The following FAAH2 variants were observed in gnomAD, a reference collection of about 807,000 sequenced individuals.
FAAH2 encodes fatty-acid amide hydrolase 2.
Under a neutral mutation model 36.9 loss-of-function variants are expected in FAAH2, and 60 were observed. That is an observed-to-expected ratio of 1.63 (90% CI 1.32 to 2.02). The LOEUF is 2.02. Ranked by LOEUF, FAAH2 falls within the 30% of genes most tolerant of loss-of-function variation. The pLI, the probability that FAAH2 is intolerant of heterozygous loss-of-function variation, is 0.00. For missense variants in FAAH2, 689 were observed against 397.5 expected, an observed-to-expected ratio of 1.73 and a Z score of -6.23; for synonymous variants, 214 against 143.8, an observed-to-expected ratio of 1.49 and a Z score of -3.49.
chrX:57,476,761 G>A (rs1440738205), intron 10 of FAAH2, among the ~76,000 whole-genome samples: 1 of 110,992 alleles, frequency 9.0e-6, no homozygotes, highest in East Asian at 2.8e-4. Flanking sequence ...AGAAGGAATG[G>A]TACCAGCTCC....
chrX:57,143,841 C>A, the FAAH2 span, among the ~76,000 whole-genome samples: 1 of 111,725 alleles, frequency 9.0e-6, no homozygotes, highest in East Asian at 2.8e-4. Context: ...GGTTTATATA[C>A]AAGTACAGTA....
chrX:57,277,546 C>T, the FAAH2 span, among the ~76,000 whole-genome samples: 1 of 111,805 alleles, frequency 8.9e-6, no homozygotes, highest in Non-Finnish European at 1.9e-5. Flanking sequence ...CACTCCTATT[C>T]AACATAGTGT....
the FAAH2 span, among the ~76,000 whole-genome samples, chrX:57,260,854 T>C: frequency 9.0e-6 from 1 of 111,259 alleles, no homozygotes. Flanking sequence ...TGATAATATA[T>C]CACACTCACA....
intron 2 of FAAH2, among the ~76,000 whole-genome samples, chrX:57,309,284 T>A (rs1031368411): frequency 1.8e-5 from 2 of 111,739 alleles, no homozygotes; most frequent in East Asian, 5.6e-4. Flanking sequence ...AAATTACCTA[T>A]AATCATAGCA....
intron 7 of FAAH2, among the ~76,000 whole-genome samples, chrX:57,426,114 A>C (rs2056155993): frequency 8.9e-6 from 1 of 111,821 alleles, no homozygotes; most frequent in Admixed American, 9.5e-5. Flanking sequence ...AGATAGAAAT[A>C]ATCCCTTCCA....
chrX:57,208,607 C>A, the FAAH2 span, among the ~76,000 whole-genome samples: 209 of 111,935 alleles, frequency 1.9e-3, 2 homozygotes, highest in African/African-American at 6.5e-3. Context: ...AAGACATACA[C>A]ACAGAAATAT....
chrX:57,381,844 C>T (rs2054859355), intron 7 of FAAH2, among the ~76,000 whole-genome samples: 1 of 111,410 alleles, frequency 9.0e-6, no homozygotes, highest in South Asian at 3.8e-4. Context: ...ATCTACAGAA[C>T]TCTCCACCCC....
the FAAH2 span, chrX:57,136,984 T>G: frequency 1.9e-5 from 17 of 895,890 alleles, no homozygotes; most frequent in Non-Finnish European, 2.4e-5. Context: ...GTGCTGTCTG[T>G]AACCCCCACT....
At chrX:57,140,139 ATTTCT>A in the FAAH2 span, among the ~76,000 whole-genome samples, 1 of 110,528 alleles carries the variant, frequency 9.0e-6, no homozygotes, top group African/African-American at 3.3e-5. Flanking sequence ...TGCTTTCTTG[ATTTCT>A]TTTTTTACAC....
At chrX:57,186,652 AATGAT>A in the FAAH2 span, among the ~76,000 whole-genome samples, 1 of 111,747 alleles carries the variant, frequency 8.9e-6, no homozygotes, top group East Asian at 2.8e-4. Context: ...TTATTTGCTG[AATGAT>A]ATTGCCTAAG....
intron 2 of FAAH2, among the ~76,000 whole-genome samples, chrX:57,293,163 A>G (rs944560573): frequency 3.6e-5 from 4 of 110,911 alleles, no homozygotes; most frequent in Non-Finnish European, 7.6e-5. Flanking sequence ...TCAGCCATTC[A>G]TGTACCATCT....
At chrX:57,242,607 G>A in the FAAH2 span, among the ~76,000 whole-genome samples, 1 of 111,408 alleles carries the variant, frequency 9.0e-6, no homozygotes, top group South Asian at 3.8e-4. Context: ...GCCCATGGAG[G>A]GTGAGCAGAA....
At chrX:57,328,931 G>T (rs1181885876) in intron 3 of FAAH2, among the ~76,000 whole-genome samples, 2 of 111,407 alleles carry the variant, frequency 1.8e-5, no homozygotes, top group African/African-American at 6.5e-5. Context: ...CCTTCTGGGA[G>T]GGCTGAGGTC....
intron 10 of FAAH2, among the ~76,000 whole-genome samples, chrX:57,453,574 A>T (rs1164287091): frequency 1.8e-5 from 2 of 110,636 alleles, no homozygotes; most frequent in Non-Finnish European, 3.8e-5. Flanking sequence ...CTGAACTCTG[A>T]TGGCAGGAAC....
At chrX:57,397,421 T>C (rs1328321742) in intron 7 of FAAH2, among the ~76,000 whole-genome samples, 1 of 112,209 alleles carries the variant, frequency 8.9e-6, no homozygotes, top group East Asian at 2.8e-4. Flanking sequence ...TTTTTTTGTT[T>C]CCATATTTAG....
At chrX:57,442,587 T>C (rs2056584987) in intron 8 of FAAH2, among the ~76,000 whole-genome samples, 1 of 112,251 alleles carries the variant, frequency 8.9e-6, no homozygotes, top group African/African-American at 3.2e-5. Flanking sequence ...TGTCTTTTAA[T>C]TGGAGCATTT....
chrX:57,438,115 G>T (rs1225463308), intron 8 of FAAH2, among the ~76,000 whole-genome samples: 2 of 103,886 alleles, frequency 1.9e-5, no homozygotes, highest in East Asian at 3.0e-4. Flanking sequence ...GTATTGAATT[G>T]TGTATATGTA....
At chrX:57,156,884 C>T in the FAAH2 span, among the ~76,000 whole-genome samples, 8 of 111,773 alleles carry the variant, frequency 7.2e-5, no homozygotes, top group South Asian at 3.8e-4. Context: ...TGGACCTCAC[C>T]AAAGGCCCAC....
At chrX:57,337,070 C>A (rs1460493499) in intron 4 of FAAH2, among the ~76,000 whole-genome samples, 3 of 110,726 alleles carry the variant, frequency 2.7e-5, no homozygotes, top group East Asian at 5.6e-4. Context: ...GTTATTACCA[C>A]TGACCCCACA....
Sources: gnomAD v4.1 joint callset for allele counts (sites outside exome capture counted in the v4.1 genomes callset) on GRCh38, gnomAD v4.1.1 for gene constraint, MANE v1.5 for transcripts, NCBI Gene and HGNC (gene_info 2026-07-23, HGNC 2026-07-21) for gene names.